The following FRMD5 variants were observed in gnomAD, a reference collection of about 807,000 sequenced individuals.
FRMD5 encodes the protein FERM domain containing 5.
A neutral mutation model predicts 69.0 loss-of-function variants in FRMD5; 20 were observed. The observed-to-expected ratio is 0.29, with a 90% CI of 0.20 to 0.42. The LOEUF is 0.42. Ranked by LOEUF, FRMD5 falls within the 10% of genes least tolerant of loss-of-function variation. The pLI is 1.00. For synonymous variants in FRMD5, 271 were observed against 260.1 expected, an observed-to-expected ratio of 1.04 and a Z score of -0.40; for missense variants, 595 against 708.6, an observed-to-expected ratio of 0.84 and a Z score of 1.82.
intron 11 of FRMD5, among the ~76,000 whole-genome samples, chr15:43,885,435 C>T (rs544801641): frequency 1.2e-3 from 183 of 152,324 alleles, no homozygotes; most frequent in Non-Finnish European, 2.2e-3. Flanking sequence ...CTCAGCCTCC[C>T]AGAGTGCTGG....
intron 1 of FRMD5, among the ~76,000 whole-genome samples, chr15:44,000,623 C>T (rs1284369422): frequency 1.3e-5 from 2 of 152,062 alleles, no homozygotes; most frequent in East Asian, 3.9e-4. Context: ...CCACACCCAG[C>T]TAATTTTTGT....
chr15:44,197,676 C>T, upstream of FRMD5, among the ~76,000 whole-genome samples: 1 of 68,838 alleles, frequency 1.5e-5, no homozygotes, highest in Non-Finnish European at 2.8e-5. Context: ...GAGACTCCAT[C>T]TCAAAAAAAA....
At chr15:44,108,305 G>A (rs1019867995) in intron 1 of FRMD5, among the ~76,000 whole-genome samples, 3 of 151,926 alleles carry the variant, frequency 2.0e-5, no homozygotes, top group South Asian at 2.1e-4. Flanking sequence ...CCTGAGCCCC[G>A]GAGTCCAAAG....
intron 7 of FRMD5, among the ~76,000 whole-genome samples, chr15:43,892,401 C>T (rs776989427): frequency 3.9e-5 from 6 of 152,194 alleles, no homozygotes; most frequent in Non-Finnish European, 7.3e-5. Flanking sequence ...GGTACAGTCA[C>T]TTTGAGAAAG....
rs377110315 is a variant in FRMD5, at chr15:43,919,443, A to T, written c.329+16T>A. The T allele has an allele frequency of 2.5e-6, 4 of 1,611,514 alleles. No homozygotes were observed. The highest frequency in any genetic ancestry group is 3.3e-5 in the Admixed American group (2 of 60,020). On this transcript the variant is annotated intron_variant, in intron 4 of 13. Transcript: ENST00000417257. ...CCAACAGGTCCTAATGGCTGCGGGA[A>T]GCATGTTCACCTCACCTGGTTATTT...
At chr15:44,040,051 C>T (rs901028808) in intron 1 of FRMD5, among the ~76,000 whole-genome samples, 12 of 151,554 alleles carry the variant, frequency 7.9e-5, no homozygotes, top group African/African-American at 2.7e-4. Context: ...ATAGCCGAAT[C>T]GATCAAGCAG....
At chr15:44,156,557 G>T (rs2077531614) in intron 1 of FRMD5, among the ~76,000 whole-genome samples, 1 of 152,184 alleles carries the variant, frequency 6.6e-6, no homozygotes, top group Admixed American at 6.5e-5. Flanking sequence ...TAAAACATGT[G>T]AGTCCAATGT....
At chr15:44,103,880 T>C (rs990045042) in intron 1 of FRMD5, among the ~76,000 whole-genome samples, 2 of 152,244 alleles carry the variant, frequency 1.3e-5, no homozygotes, top group African/African-American at 4.8e-5. Context: ...ATAGCCATCA[T>C]AATGTAATGC....
At chr15:43,994,720 C>T (rs936989134) in intron 1 of FRMD5, among the ~76,000 whole-genome samples, 1 of 152,272 alleles carries the variant, frequency 6.6e-6, no homozygotes, top group Admixed American at 6.5e-5. Flanking sequence ...GCGTGAGCCA[C>T]TGCACCCTGC....
In FRMD5 at chr15:44,103,135, T is replaced by C. The variant is rs1295933894; in HGVS notation, c.102+91818A>G. ...TGATACATTGGATGCATTGTCCTCA[T>C]GCCATTTGCCCTAATGTAAGAATAG... On this transcript the variant is annotated intron_variant, in intron 1 of 13. Transcript: ENST00000417257. Among the ~76,000 whole-genome samples, 4 of 152,168 alleles carry C rather than the reference T, an allele frequency of 2.6e-5. No individual in the cohort carries two copies. The East Asian group carries it at 7.7e-4, about 29-fold the overall frequency.
intron 1 of FRMD5, among the ~76,000 whole-genome samples, chr15:44,088,086 G>A (rs553138016): frequency 1.2e-3 from 180 of 152,218 alleles, no homozygotes; most frequent in Non-Finnish European, 2.0e-3. Flanking sequence ...TATAGGTCCT[G>A]TTCTCCAAGA....
intron 1 of FRMD5, among the ~76,000 whole-genome samples, chr15:43,975,800 T>C (rs939066319): frequency 1.5e-4 from 23 of 152,076 alleles, no homozygotes; most frequent in Admixed American, 3.9e-4. Context: ...AATAAAAGGA[T>C]CTAGAATATG....
intron 4 of FRMD5, 128 bp downstream of exon 4, chr15:43,919,331 T>C (rs2089451726): frequency 3.6e-6 from 3 of 827,766 alleles, no homozygotes; most frequent in African/African-American, 1.7e-5. Flanking sequence ...GAAGTCATTA[T>C]ATTTAGGAAG....
chr15:43,884,855 C>T (rs1490895254), intron 11 of FRMD5, 60 bp from the exon 12 acceptor site: 2 of 1,415,826 alleles, frequency 1.4e-6, no homozygotes, highest in South Asian at 1.2e-5. Flanking sequence ...AGGACAGCTC[C>T]TCTCCAAGAT....
At position 44,044,851 on chromosome 15, in the gene FRMD5, T is replaced by C. The variant is rs554065511; in HGVS notation, c.103-120542A>G. 2.6e-5 allele frequency among the ~76,000 whole-genome samples: 4 copies of C among 152,274 alleles called. No homozygotes were observed. In the South Asian group the frequency reaches 8.3e-4, roughly 32 times the overall value. On this transcript the variant is annotated intron_variant, in intron 1 of 13. Transcript: ENST00000417257. ...GGGTGCAACAAACCACCATGGCACATGTATACCTATGTAACAAACCTCCAC... is the reference window on the plus strand; with the variant it reads ...GGGTGCAACAAACCACCATGGCACACGTATACCTATGTAACAAACCTCCAC...
intron 1 of FRMD5, among the ~76,000 whole-genome samples, chr15:44,175,363 T>C (rs1279757480): frequency 6.6e-6 from 1 of 152,202 alleles, no homozygotes; most frequent in Non-Finnish European, 1.5e-5. Flanking sequence ...CATTATTTTA[T>C]ACTCCATATC....
At chr15:43,953,475 T>G (rs1039925996) in intron 1 of FRMD5, among the ~76,000 whole-genome samples, 10 of 152,198 alleles carry the variant, frequency 6.6e-5, no homozygotes, top group Non-Finnish European at 1.5e-4. Flanking sequence ...GAAGAAGGCT[T>G]GGTCAGATAG....
chr15:43,991,513 T>G (rs1889675945), intron 1 of FRMD5, among the ~76,000 whole-genome samples: 1 of 152,220 alleles, frequency 6.6e-6, no homozygotes. Flanking sequence ...CCTGCCTGGG[T>G]TTGAAATATG....
chr15:43,981,707 T>C (rs1160579399), intron 1 of FRMD5, among the ~76,000 whole-genome samples: 1 of 152,270 alleles, frequency 6.6e-6, no homozygotes, highest in Non-Finnish European at 1.5e-5. Flanking sequence ...AGAAACCTTC[T>C]GCTAGATGGT....
Sources: allele counts gnomAD v4.1 joint callset (sites outside exome capture counted in the v4.1 genomes callset), GRCh38; gene constraint gnomAD v4.1.1; transcripts MANE v1.5; gene names NCBI Gene and HGNC (gene_info 2026-07-23, HGNC 2026-07-21).